The following ZSCAN25 variants were observed in gnomAD, a reference collection of about 807,000 sequenced individuals.
ZSCAN25 encodes zinc finger and SCAN domain containing 25.
Under a neutral mutation model 38.7 loss-of-function variants are expected in ZSCAN25, and 27 were observed. The ratio of observed to expected loss-of-function variants is 0.70; its 90% CI spans 0.51 to 0.96. The LOEUF (loss-of-function observed/expected upper bound fraction) is 0.96, where lower values mean the gene tolerates loss of function less well. Ranked by LOEUF, ZSCAN25 falls within the 40% of genes least tolerant of loss-of-function variation. ZSCAN25 has a pLI of 0.00. For missense variants in ZSCAN25, 637 were observed against 705.9 expected (o/e 0.90, Z 1.11); for synonymous variants, 273 against 277.7 (o/e 0.98, Z 0.17).
intron 7 of ZSCAN25, 38 bp downstream of exon 7, chr7:99,624,218 G>A: frequency 1.9e-6 from 3 of 1,612,162 alleles, no homozygotes; most frequent in South Asian, 2.2e-5. Context: ...GAACTGGGGA[G>A]TTCTGAAAGC....
At chr7:99,691,607 G>A in the ZSCAN25 span, among the ~76,000 whole-genome samples, 1 of 152,140 alleles carries the variant, frequency 6.6e-6, no homozygotes, top group Non-Finnish European at 1.5e-5. Context: ...ATTTAGGATA[G>A]TTAGCTCTTC....
the ZSCAN25 span, among the ~76,000 whole-genome samples, chr7:99,668,069 A>G: frequency 6.6e-6 from 1 of 152,230 alleles, no homozygotes; most frequent in Admixed American, 6.5e-5. Flanking sequence ...TCTAGAACGA[A>G]TAGGTAAGTT....
Position 99,619,641 on chromosome 7 carries a change from C to T in ZSCAN25, c.35C>T (p.Pro12Leu), listed in dbSNP as rs1233551583. 1.2e-6 allele frequency: 2 copies of T among 1,614,018 alleles called. No homozygotes were observed. The highest frequency in any genetic ancestry group is 1.7e-6 in the Non-Finnish European group (2 of 1,179,996). The change falls in exon 4 of 8, where the codon CCT (proline) becomes CTT (leucine). Residue 12 changes from proline (P) to leucine (L), a missense_variant. Pro to Leu is a moderately conservative substitution (Grantham distance 98). Transcript: ENST00000394152. ...LKEHPEMAEA[P>L]QQQLGIPVVK... ...GAGCATCCAGAGATGGCGGAAGCTC[C>T]TCAGCAGCAGTTGGGTATTCCTGTG...
At chr7:99,713,498 T>C in the ZSCAN25 span, 4 of 1,613,512 alleles carry the variant, frequency 2.5e-6, no homozygotes, top group Admixed American at 3.3e-5. Context: ...TTTTGAATTC[T>C]GAGAGTCAAT....
At chr7:99,652,386 T>G in the ZSCAN25 span, 1 of 528,780 alleles carries the variant, frequency 1.9e-6, no homozygotes, top group Non-Finnish European at 3.3e-6. Context: ...GTTTCGTTTT[T>G]TCTAGTCTGT....
At chr7:99,700,051 C>T in the ZSCAN25 span, 8 of 1,570,446 alleles carry the variant, frequency 5.1e-6, no homozygotes, top group Non-Finnish European at 7.0e-6. Flanking sequence ...TTGCCTTCTT[C>T]AACTGTCTCC....
chr7:99,711,122 C>T, the ZSCAN25 span, among the ~76,000 whole-genome samples: 8 of 152,196 alleles, frequency 5.3e-5, no homozygotes, highest in South Asian at 6.2e-4. Flanking sequence ...GTAGACCATC[C>T]GCTCCTCCTC....
chr7:99,671,494 C>A, the ZSCAN25 span: 2 of 276,906 alleles, frequency 7.2e-6, no homozygotes, highest in Non-Finnish European at 6.8e-6. Context: ...GACAATATGC[C>A]TACCTTTCCA....
the ZSCAN25 span, chr7:99,672,636 C>T: frequency 1.1e-5 from 17 of 1,614,076 alleles, no homozygotes; most frequent in Middle Eastern, 1.7e-4. Context: ...CTGATCACGT[C>T]GGGATCTGTG....
At chr7:99,688,548 CTT>C in the ZSCAN25 span, among the ~76,000 whole-genome samples, 1 of 152,178 alleles carries the variant, frequency 6.6e-6, no homozygotes, top group Non-Finnish European at 1.5e-5. Context: ...TACAAAGAGA[CTT>C]TGACTCCCAC....
chr7:99,621,824 C>A, intron 5 of ZSCAN25: 1 of 350,298 alleles, frequency 2.9e-6, no homozygotes. Context: ...TCCCTCAGAT[C>A]CCTTCTAGAA....
At chr7:99,665,259 T>C in the ZSCAN25 span, 10 of 1,614,114 alleles carry the variant, frequency 6.2e-6, no homozygotes, top group Non-Finnish European at 8.5e-6. Flanking sequence ...AGAGAGTCGA[T>C]GTTCACTCCA....
At chr7:99,709,116 C>G in the ZSCAN25 span, 1 of 1,613,928 alleles carries the variant, frequency 6.2e-7, no homozygotes, top group Non-Finnish European at 8.5e-7. Context: ...CACCACCACC[C>G]CTTTGGGAAT....
At chr7:99,700,181 C>G in the ZSCAN25 span, 2 of 594,186 alleles carry the variant, frequency 3.4e-6, no homozygotes. Flanking sequence ...GAGAAGGAGG[C>G]GGGGCTGCAG....
At chr7:99,671,898 C>T in the ZSCAN25 span, 1 of 701,146 alleles carries the variant, frequency 1.4e-6, no homozygotes, top group African/African-American at 1.7e-5. Flanking sequence ...TGAAAAATTG[C>T]TTAGAACTAC....
At chr7:99,633,885 C>T (rs1808157692), downstream of ZSCAN25, among the ~76,000 whole-genome samples, 1 of 152,208 alleles carries the variant, frequency 6.6e-6, no homozygotes. Flanking sequence ...AGCTTCTTTG[C>T]TTTCTGGCAT....
At chr7:99,658,015 G>A in the ZSCAN25 span, among the ~76,000 whole-genome samples, 23 of 152,256 alleles carry the variant, frequency 1.5e-4, no homozygotes, top group South Asian at 6.2e-4. Context: ...ACAGCACACC[G>A]ATGGGTCTTG....
chr7:99,649,467 G>A, the ZSCAN25 span, among the ~76,000 whole-genome samples: 2 of 152,180 alleles, frequency 1.3e-5, no homozygotes, highest in African/African-American at 4.8e-5. Context: ...TAAGGTCAAG[G>A]AGTAAGGATA....
chr7:99,662,950 C>A, the ZSCAN25 span: 5 of 1,599,120 alleles, frequency 3.1e-6, no homozygotes, highest in South Asian at 5.6e-5. This position sits in a 1 kb window ranked among gnomAD's most constrained non-coding sequence, Gnocchi z 4.3. Flanking sequence ...ATCAAAAGTG[C>A]AGTCCTCAAC....
Sources: gnomAD v4.1 joint callset for allele counts (sites outside exome capture counted in the v4.1 genomes callset) on GRCh38, gnomAD v4.1.1 for gene constraint, Gnocchi (gnomAD v3.1) non-coding constraint, MANE v1.5 for transcripts, NCBI Gene and HGNC (gene_info 2026-07-23, HGNC 2026-07-21) for gene names.